The following CHRM3 variants were observed in gnomAD, a reference collection of about 807,000 sequenced individuals.
CHRM3 encodes the protein muscarinic acetylcholine receptor M3.
CHRM3 carries 11 observed loss-of-function variants against 41.8 expected under a neutral mutation model. The observed-to-expected ratio is 0.26, with a 90% CI of 0.17 to 0.44. CHRM3 has a LOEUF of 0.44. CHRM3 is among the 20% of genes least tolerant of loss of function. CHRM3 has a pLI of 1.00. For synonymous variants in CHRM3, 297 were observed against 301.4 expected, an observed-to-expected ratio of 0.99 and a Z score of 0.15; for missense variants, 571 against 745.4, an observed-to-expected ratio of 0.77 and a Z score of 2.72.
At chr1:239,654,709 T>C (rs1277253336) in intron 4 of CHRM3, among the ~76,000 whole-genome samples, 1 of 152,196 alleles carries the variant, frequency 6.6e-6, no homozygotes, top group East Asian at 1.9e-4. Context: ...CACATACTGT[T>C]TCTGAATTGG....
chr1:239,556,695 G>A (rs776770293), intron 3 of CHRM3, among the ~76,000 whole-genome samples: 25 of 152,188 alleles, frequency 1.6e-4, no homozygotes, highest in Non-Finnish European at 3.1e-4. Flanking sequence ...CTCAAGTTAG[G>A]AATACATCCA....
rs1208462916 is a variant in CHRM3 at position 239,909,807 on chromosome 1, A to C, written c.*583A>C. On this transcript the variant is annotated 3_prime_UTR_variant, in exon 7 of 7. Coordinates refer to ENST00000676153, the MANE Select transcript of CHRM3 (RefSeq NM_001375978.1). ...ATTCTTGCAAAGTACTGTTTTGTGC[A>C]GTTCAAGTTTCGTACAAATAAAAAT... 6.0e-6 allele frequency: 1 copy of C among 167,578 alleles called. No individual in the cohort carries two copies. The highest frequency in any genetic ancestry group is 2.4e-5 in the African/African-American group (1 of 41,464). The allele number at this position is 167,578 out of a possible 1,614,324, so 10.4% of individuals were successfully genotyped here.
intron 1 of CHRM3, among the ~76,000 whole-genome samples, chr1:239,451,589 A>T (rs978481687): frequency 6.6e-6 from 1 of 152,192 alleles, no homozygotes; most frequent in Non-Finnish European, 1.5e-5. Context: ...TCACACATGT[A>T]GAGCACTTGA....
intron 3 of CHRM3, chr1:239,546,669 A>C (rs894451688): frequency 6.6e-6 from 1 of 152,144 alleles, no homozygotes; most frequent in African/African-American, 2.4e-5. Flanking sequence ...ACCCATGCAC[A>C]CACCAATCCC....
intron 3 of CHRM3, among the ~76,000 whole-genome samples, chr1:239,561,716 T>C (rs1660879860): frequency 6.6e-6 from 1 of 152,066 alleles, no homozygotes. Flanking sequence ...TTAATAATTG[T>C]TTATCATATA....
In CHRM3 at chr1:239,566,161, G is replaced by A. The variant is rs758945180; in HGVS notation, c.-313+20412G>A. 4.6e-5 allele frequency among the ~76,000 whole-genome samples: 7 copies of A among 151,810 alleles called. No homozygotes were observed. In the East Asian group the frequency reaches 5.8e-4, roughly 13 times the overall value. ...ACTCCTAGGCTTAAGCAATTCTCCC[G>A]CCCTCTCTCCTAGCGTGCTGGGATT... On this transcript the variant is annotated intron_variant, in intron 3 of 6. Coordinates refer to ENST00000676153, the MANE Select transcript of CHRM3 (RefSeq NM_001375978.1).
chr1:239,778,419 C>G (rs909832510), intron 5 of CHRM3, among the ~76,000 whole-genome samples: 7 of 152,192 alleles, frequency 4.6e-5, no homozygotes, highest in Non-Finnish European at 1.0e-4. Flanking sequence ...CTACCACCCT[C>G]TCCCCATATC....
chr1:239,908,230 A>C lies in CHRM3; in HGVS notation c.779A>C (p.Lys260Thr), dbSNP rs1325500058. 7 of 1,614,184 alleles carry C rather than the reference A, an allele frequency of 4.3e-6. No homozygotes were observed. The highest frequency in any genetic ancestry group is 3.4e-6 in the Non-Finnish European group (4 of 1,180,030). The stretch of plus-strand genomic sequence containing the variant: ...TGGAGGATCTATAAGGAAACTGAAA[A>C]GCGTACCAAAGAGCTTGCTGGCCTG... Reference protein sequence around the residue: ...LYWRIYKETEKRTKELAGLQA... With the variant: ...LYWRIYKETETRTKELAGLQA... The change falls in exon 7 of 7, where the codon AAG (lysine) becomes ACG (threonine). Residue 260 changes from lysine (K) to threonine (T), a missense_variant. By Grantham distance (78) the Lys-to-Thr change is moderately conservative (BLOSUM62 -1). This residue lies in a region of CHRM3 where 153 missense variants were observed against 296.3 expected (regional missense o/e 0.52). Coordinates refer to ENST00000676153, the MANE Select transcript of CHRM3 (RefSeq NM_001375978.1). The surrounding 1 kb of genome is among the most constrained non-coding windows in gnomAD (Gnocchi z 7.2).
intron 6 of CHRM3, among the ~76,000 whole-genome samples, chr1:239,872,488 C>T (rs73131037): frequency 0.043 from 6,598 of 152,124 alleles, 500 homozygotes; most frequent in African/African-American, 0.15. Flanking sequence ...TTGTGTGGGA[C>T]GGCCCCAACC....
intron 5 of CHRM3, among the ~76,000 whole-genome samples, chr1:239,744,179 G>A (rs1307076766): frequency 1.3e-5 from 2 of 151,920 alleles, no homozygotes; most frequent in East Asian, 1.9e-4. Context: ...ACCACCGTGT[G>A]TCTTAGGAAC....
intron 1 of CHRM3, among the ~76,000 whole-genome samples, chr1:239,453,974 A>G (rs1024138187): frequency 6.6e-6 from 1 of 152,186 alleles, no homozygotes; most frequent in Non-Finnish European, 1.5e-5. Flanking sequence ...GAAGTGTATA[A>G]TAGTAGGAAA....
chr1:239,521,838 G>A (rs944723851), intron 2 of CHRM3, among the ~76,000 whole-genome samples: 14 of 152,006 alleles, frequency 9.2e-5, no homozygotes, highest in South Asian at 2.1e-4. Context: ...TTAAATGGCC[G>A]TTACATTGTA....
intron 3 of CHRM3, among the ~76,000 whole-genome samples, chr1:239,583,904 G>A (rs532739155): frequency 6.6e-6 from 1 of 151,914 alleles, no homozygotes; most frequent in Non-Finnish European, 1.5e-5. Context: ...ATCCTACCCT[G>A]CTGGCCAGTG....
intron 5 of CHRM3, among the ~76,000 whole-genome samples, chr1:239,721,279 T>C (rs1662948360): frequency 6.6e-6 from 1 of 151,470 alleles, no homozygotes; most frequent in African/African-American, 2.4e-5. Flanking sequence ...GGGAAAGAGG[T>C]GAAAGAAATG....
At chr1:239,679,411 A>G (rs76031273) in intron 5 of CHRM3, among the ~76,000 whole-genome samples, 2 of 152,116 alleles carry the variant, frequency 1.3e-5, no homozygotes, top group Non-Finnish European at 2.9e-5. Flanking sequence ...ACTACTTAAC[A>G]ATGGCCTTGG....
At chr1:239,478,612 A>G (rs1045893154) in intron 1 of CHRM3, among the ~76,000 whole-genome samples, 2 of 152,210 alleles carry the variant, frequency 1.3e-5, no homozygotes, top group African/African-American at 2.4e-5. Flanking sequence ...ACTCAAAAAT[A>G]TGATGTAAGA....
intron 1 of CHRM3, chr1:239,408,178 C>T (rs1340116837): frequency 6.6e-6 from 1 of 152,160 alleles, no homozygotes; most frequent in African/African-American, 2.4e-5. Context: ...CTTTCCCCGA[C>T]TTCATTCTGC....
At chr1:239,698,214 A>G (rs777147303) in intron 5 of CHRM3, among the ~76,000 whole-genome samples, 1 of 152,216 alleles carries the variant, frequency 6.6e-6, no homozygotes, top group Non-Finnish European at 1.5e-5. Flanking sequence ...TGTGATGTCT[A>G]TACTTGACAT....
At chr1:239,761,737 T>C (rs945551583) in intron 5 of CHRM3, among the ~76,000 whole-genome samples, 1 of 152,186 alleles carries the variant, frequency 6.6e-6, no homozygotes, top group Non-Finnish European at 1.5e-5. Flanking sequence ...TGCAGATTGC[T>C]CCTGCAGCTT....
Sources: allele counts gnomAD v4.1 joint callset (sites outside exome capture counted in the v4.1 genomes callset), GRCh38; gene constraint gnomAD v4.1.1; regional missense constraint gnomAD v4.1.1; non-coding constraint Gnocchi (gnomAD v3.1); transcripts MANE v1.5; gene names NCBI Gene and HGNC (gene_info 2026-07-23, HGNC 2026-07-21).